The following ENTREP2 variants were observed in gnomAD, a reference collection of about 807,000 sequenced individuals.
ENTREP2 encodes the protein endosomal transmembrane epsin interactor 2.
At chr15:29,499,141 A>C in the ENTREP2 span, among the ~76,000 whole-genome samples, 2 of 152,150 alleles carry the variant, frequency 1.3e-5, no homozygotes, top group Non-Finnish European at 2.9e-5. Context: ...ATTTACATTC[A>C]AGGTAATTAT....
At chr15:29,348,094 C>T in the ENTREP2 span, among the ~76,000 whole-genome samples, 82 of 152,276 alleles carry the variant, frequency 5.4e-4, no homozygotes, top group Non-Finnish European at 9.4e-4. Context: ...AATACATGTC[C>T]AACCTTGCAC....
chr15:29,284,343 A>T, the ENTREP2 span, among the ~76,000 whole-genome samples: 271 of 152,228 alleles, frequency 1.8e-3, 2 homozygotes, highest in African/African-American at 6.4e-3. Flanking sequence ...AGATCACTTG[A>T]GGTCAGGAGT....
chr15:29,621,754 A>G, the ENTREP2 span, among the ~76,000 whole-genome samples: 1 of 152,080 alleles, frequency 6.6e-6, no homozygotes, highest in Non-Finnish European at 1.5e-5. Context: ...TGATCCAAAA[A>G]TTCCACTGTT....
the ENTREP2 span, among the ~76,000 whole-genome samples, chr15:29,370,228 A>G: frequency 6.6e-6 from 1 of 152,252 alleles, no homozygotes; most frequent in Admixed American, 6.5e-5. Flanking sequence ...TGATCCAATT[A>G]CACACTGTCT....
the ENTREP2 span, among the ~76,000 whole-genome samples, chr15:29,274,423 G>A: frequency 6.7e-6 from 1 of 150,154 alleles, no homozygotes; most frequent in Non-Finnish European, 1.5e-5. Flanking sequence ...CTGATTCAGA[G>A]CAAACATAGA....
the ENTREP2 span, among the ~76,000 whole-genome samples, chr15:29,174,718 A>G: frequency 6.6e-6 from 1 of 151,810 alleles, no homozygotes; most frequent in African/African-American, 2.4e-5. Flanking sequence ...AACAAAAAAA[A>G]AAAAGAAAAC....
the ENTREP2 span, among the ~76,000 whole-genome samples, chr15:29,589,538 T>A: frequency 6.6e-6 from 1 of 152,130 alleles, no homozygotes. Flanking sequence ...CATATCATCT[T>A]CCAGATGGTG....
the ENTREP2 span, among the ~76,000 whole-genome samples, chr15:29,371,315 CTG>C: frequency 6.6e-6 from 1 of 150,954 alleles, no homozygotes; most frequent in Non-Finnish European, 1.5e-5. Flanking sequence ...GAAAGGTAAA[CTG>C]TGCCACCCTC....
At chr15:29,556,832 C>T in the ENTREP2 span, among the ~76,000 whole-genome samples, 3 of 150,474 alleles carry the variant, frequency 2.0e-5, no homozygotes, top group East Asian at 2.0e-4. Flanking sequence ...ACTCCAACTC[C>T]GGCTCTCATC....
chr15:29,494,298 G>GA, the ENTREP2 span, among the ~76,000 whole-genome samples: 3 of 151,656 alleles, frequency 2.0e-5, no homozygotes, highest in Non-Finnish European at 4.4e-5. Context: ...CAGGTACCTA[G>GA]AAAAAAACTA....
chr15:29,291,676 T>C, the ENTREP2 span, among the ~76,000 whole-genome samples: 97,526 of 152,038 alleles, frequency 0.64, 31,954 homozygotes, highest in Middle Eastern at 0.69. Context: ...GCTGACATTT[T>C]CCATCTGTTC....
At chr15:29,518,871 T>C in the ENTREP2 span, among the ~76,000 whole-genome samples, 1 of 152,126 alleles carries the variant, frequency 6.6e-6, no homozygotes, top group Non-Finnish European at 1.5e-5. Context: ...AGGTCACAGA[T>C]GACAAGGACA....
the ENTREP2 span, among the ~76,000 whole-genome samples, chr15:29,634,698 G>T: frequency 2.0e-5 from 3 of 152,182 alleles, no homozygotes; most frequent in African/African-American, 4.8e-5. Context: ...CCAGCAACAA[G>T]TCCGGGGCCT....
At chr15:29,371,163 A>G in the ENTREP2 span, among the ~76,000 whole-genome samples, 2 of 152,078 alleles carry the variant, frequency 1.3e-5, no homozygotes, top group African/African-American at 4.8e-5. Flanking sequence ...TACCTGGTGG[A>G]AAATAAGCTC....
the ENTREP2 span, among the ~76,000 whole-genome samples, chr15:29,131,951 C>T: frequency 3.4e-5 from 5 of 148,752 alleles, no homozygotes; most frequent in East Asian, 2.0e-4. Context: ...TGACCTAAGC[C>T]GGAAGGGAAG....
the ENTREP2 span, among the ~76,000 whole-genome samples, chr15:29,461,607 G>A: frequency 7.9e-5 from 12 of 152,060 alleles, no homozygotes; most frequent in African/African-American, 2.2e-4. Flanking sequence ...TCAGCCTCTC[G>A]AGTAGTACAG....
the ENTREP2 span, among the ~76,000 whole-genome samples, chr15:29,346,341 C>T: frequency 6.6e-6 from 1 of 152,164 alleles, no homozygotes; most frequent in Non-Finnish European, 1.5e-5. Context: ...TCTAAAGGTG[C>T]CTCAGGCTGA....
chr15:29,661,930 G>A, the ENTREP2 span, among the ~76,000 whole-genome samples: 8 of 152,170 alleles, frequency 5.3e-5, no homozygotes, highest in Non-Finnish European at 8.8e-5. Context: ...AAGAAAATGC[G>A]CCAGGCATGG....
chr15:29,339,675 G>A, the ENTREP2 span, among the ~76,000 whole-genome samples: 10 of 152,312 alleles, frequency 6.6e-5, no homozygotes, highest in East Asian at 9.6e-4. Context: ...AAATTACATC[G>A]TTTGACTTGC....
Sources: gnomAD v4.1 joint callset for allele counts (sites outside exome capture counted in the v4.1 genomes callset) on GRCh38, gnomAD v4.1.1 for gene constraint, MANE v1.5 for transcripts, NCBI Gene and HGNC (gene_info 2026-07-23, HGNC 2026-07-21) for gene names.